The following SLC13A1 variants were observed in gnomAD, a reference collection of about 807,000 sequenced individuals.
The protein encoded by SLC13A1 is Na(+)/sulfate cotransporter.
A neutral mutation model predicts 70.0 loss-of-function variants in SLC13A1; 65 were observed. That is an observed-to-expected ratio of 0.93 (90% CI 0.76 to 1.14). The LOEUF (loss-of-function observed/expected upper bound fraction) is 1.14. Ranked by LOEUF, SLC13A1 falls within the 50% of genes most tolerant of loss-of-function variation. The pLI, the probability that SLC13A1 is intolerant of heterozygous loss-of-function variation, is 0.00. For synonymous variants in SLC13A1, 275 were observed against 250.5 expected (o/e 1.10, Z -0.92); for missense variants, 726 against 717.8 (o/e 1.01, Z -0.13).
Position 123,115,493 on chromosome 7 carries a change from A to C in SLC13A1, c.*25T>G. 6.2e-7 allele frequency: 1 copy of C among 1,601,224 alleles called. No individual in the cohort carries two copies. Among genetic ancestry groups the C allele is most frequent in the Non-Finnish European group, 8.5e-7 (1 of 1,171,408 alleles). The stretch of plus-strand genomic sequence containing the variant: ...ATTAATGTCTTCCAGAAATTACCGC[A>C]AGATAGTCAGAAATTTTGTGCTTAT... On this transcript the variant is annotated 3_prime_UTR_variant, in exon 15 of 15. Coordinates refer to ENST00000194130, the MANE Select transcript of SLC13A1 (RefSeq NM_022444.4).
chr7:123,125,149 C>T (rs1359483510), intron 11 of SLC13A1, among the ~76,000 whole-genome samples: 1 of 152,100 alleles, frequency 6.6e-6, no homozygotes, highest in Non-Finnish European at 1.5e-5. Context: ...TCCAGAACTA[C>T]TTTGAGAATG....
At chr7:123,142,599 C>T (rs1016500093) in intron 7 of SLC13A1, among the ~76,000 whole-genome samples, 2 of 149,312 alleles carry the variant, frequency 1.3e-5, no homozygotes, top group Admixed American at 1.3e-4. Context: ...ACCCAAAGCT[C>T]TTGATGTAAC....
At chr7:123,178,393 G>T (rs148443331) in intron 2 of SLC13A1, among the ~76,000 whole-genome samples, 12 of 152,178 alleles carry the variant, frequency 7.9e-5, no homozygotes, top group African/African-American at 2.9e-4. Flanking sequence ...CAAAGATGTT[G>T]CAGTGGGCAG....
intron 2 of SLC13A1, among the ~76,000 whole-genome samples, chr7:123,176,570 T>C (rs764028398): frequency 1.3e-5 from 2 of 152,176 alleles, no homozygotes; most frequent in Non-Finnish European, 2.9e-5. Context: ...TAAATAGTTG[T>C]AAAAATTAAA....
At chr7:123,165,301 T>C (rs10280430) in intron 6 of SLC13A1, among the ~76,000 whole-genome samples, 49,993 of 152,006 alleles carry the variant, frequency 0.33, 8,686 homozygotes, top group African/African-American at 0.45. Context: ...TTTTTGTGCA[T>C]TGCATTCTGG....
intron 8 of SLC13A1, among the ~76,000 whole-genome samples, chr7:123,130,539 G>A (rs779287295): frequency 2.6e-4 from 40 of 152,024 alleles, no homozygotes; most frequent in Non-Finnish European, 4.9e-4. Context: ...CCAGGGAGAA[G>A]AACAACACAC....
chr7:123,138,204 C>G lies in SLC13A1; in HGVS notation c.813-3675G>C, dbSNP rs570586788. Among the ~76,000 whole-genome samples the G allele has an allele frequency of 2.0e-5, 3 of 152,282 alleles. No individual in the cohort carries two copies. The South Asian group carries it at 6.2e-4, about 32-fold the overall frequency. ...GACCTGGTTTATTTCACTTAACATACTGACTTCCACTTCCATTTATGTTGT... is the reference window on the plus strand; with the variant it reads ...GACCTGGTTTATTTCACTTAACATAGTGACTTCCACTTCCATTTATGTTGT... On this transcript the variant is annotated intron_variant, in intron 7 of 14. Transcript: ENST00000194130.
intron 1 of SLC13A1, among the ~76,000 whole-genome samples, chr7:123,181,617 C>T (rs1321058537): frequency 6.6e-6 from 1 of 152,086 alleles, no homozygotes; most frequent in Non-Finnish European, 1.5e-5. Flanking sequence ...TACTGTGTCT[C>T]AGAGAAAAGA....
At chr7:123,158,974 A>G (rs1241097153) in intron 6 of SLC13A1, among the ~76,000 whole-genome samples, 1 of 152,074 alleles carries the variant, frequency 6.6e-6, no homozygotes, top group South Asian at 2.1e-4. Flanking sequence ...GGGGTCTGAG[A>G]AGCAAAATAC....
intron 10 of SLC13A1, among the ~76,000 whole-genome samples, chr7:123,126,005 A>T (rs1448089861): frequency 6.6e-6 from 1 of 152,168 alleles, no homozygotes; most frequent in Non-Finnish European, 1.5e-5. Context: ...TTCTTCTTTG[A>T]ATTATTTAAT....
chr7:123,128,642 G>A (rs1249575328), intron 10 of SLC13A1, among the ~76,000 whole-genome samples: 1 of 152,144 alleles, frequency 6.6e-6, no homozygotes, highest in East Asian at 1.9e-4. Flanking sequence ...AACAGAGTAA[G>A]TAATATGGTT....
intron 8 of SLC13A1, among the ~76,000 whole-genome samples, chr7:123,131,381 A>G (rs987272482): frequency 3.3e-5 from 5 of 152,206 alleles, no homozygotes; most frequent in Admixed American, 1.3e-4. Flanking sequence ...TTTTCCACCC[A>G]GTACATTGCA....
At chr7:123,123,293 G>C in intron 11 of SLC13A1, 58 bp from the exon 12 acceptor site, 1 of 1,078,604 alleles carries the variant, frequency 9.3e-7, no homozygotes, top group Non-Finnish European at 1.4e-6. Flanking sequence ...TATGACATTT[G>C]CTTCAGCATC....
At chr7:123,157,333 A>G (rs1794745045) in intron 6 of SLC13A1, among the ~76,000 whole-genome samples, 2 of 152,176 alleles carry the variant, frequency 1.3e-5, no homozygotes, top group South Asian at 2.1e-4. Context: ...TAGTTAATAA[A>G]GAACTATTAC....
intron 6 of SLC13A1, among the ~76,000 whole-genome samples, chr7:123,155,176 A>G (rs999007918): frequency 4.6e-5 from 7 of 151,844 alleles, no homozygotes; most frequent in African/African-American, 1.5e-4. Context: ...TAATCATAAA[A>G]CTTGTACTCT....
At position 123,115,389 on chromosome 7, in the gene SLC13A1, A is replaced by G; in HGVS notation, c.*129T>C. ...TTATAACAGCAGGTTTCGGGTATTC[A>G]CAGGAATTGCAGCAGCTACACCATA... On this transcript the variant is annotated 3_prime_UTR_variant, in exon 15 of 15. Coordinates refer to ENST00000194130, the MANE Select transcript of SLC13A1 (RefSeq NM_022444.4). 2 of 918,524 alleles carry G rather than the reference A, an allele frequency of 2.2e-6. No homozygotes were observed. Among genetic ancestry groups the G allele is most frequent in the Non-Finnish European group, 3.3e-6 (2 of 614,420 alleles). The allele number at this position is 918,524 out of a possible 1,614,324, so 56.9% of individuals were successfully genotyped here. A position where few individuals can be genotyped will look rare whatever the true frequency, so the allele number is the denominator to read the frequency against.
chr7:123,146,650 A>G (rs1189026552), intron 7 of SLC13A1, among the ~76,000 whole-genome samples: 1 of 152,216 alleles, frequency 6.6e-6, no homozygotes, highest in Non-Finnish European at 1.5e-5. Flanking sequence ...AGTTCCAAAC[A>G]TATTAACAGT....
At chr7:123,174,233 T>C (rs1014619290) in intron 2 of SLC13A1, among the ~76,000 whole-genome samples, 5 of 152,120 alleles carry the variant, frequency 3.3e-5, no homozygotes, top group African/African-American at 1.2e-4. Flanking sequence ...CACCAAGATC[T>C]TTATTTCCAC....
chr7:123,191,121 G>A (rs1795982598), intron 1 of SLC13A1, among the ~76,000 whole-genome samples: 1 of 152,010 alleles, frequency 6.6e-6, no homozygotes, highest in Non-Finnish European at 1.5e-5. Context: ...CACTTTTACA[G>A]TTGCTTCCAG....
Sources: gnomAD v4.1 joint callset for allele counts (sites outside exome capture counted in the v4.1 genomes callset) on GRCh38, gnomAD v4.1.1 for gene constraint, MANE v1.5 for transcripts, NCBI Gene and HGNC (gene_info 2026-07-23, HGNC 2026-07-21) for gene names.